Variants in PTPDC1 observed in about 807,000 individuals in gnomAD.
PTPDC1 encodes protein tyrosine phosphatase domain-containing protein 1.
PTPDC1 carries 53 observed loss-of-function variants against 75.3 expected under a neutral mutation model. The ratio of observed to expected loss-of-function variants is 0.70; its 90% CI spans 0.56 to 0.88. The LOEUF is 0.88. Ranked by LOEUF, PTPDC1 falls within the 40% of genes least tolerant of loss-of-function variation. The pLI is 0.00. For missense variants in PTPDC1, 925 were observed against 998.6 expected, an observed-to-expected ratio of 0.93 and a Z score of 0.99; for synonymous variants, 349 against 366.2, an observed-to-expected ratio of 0.95 and a Z score of 0.54.
intron 2 of PTPDC1, among the ~76,000 whole-genome samples, chr9:94,065,504 A>G (rs890075749): frequency 6.6e-6 from 1 of 152,196 alleles, no homozygotes; most frequent in African/African-American, 2.4e-5. Flanking sequence ...TTTCTCCCCT[A>G]AGTATGGATT....
chr9:94,095,242 T>TGGTTGTC, intron 4 of PTPDC1, 75 bp from the exon 5 acceptor site: 8 of 1,062,774 alleles, frequency 7.5e-6, no homozygotes, highest in South Asian at 1.7e-5. Context: ...TGTAGATCTG[T>TGGTTGTC]GTACTTTTCA....
chr9:94,064,350 T>A (rs1349543345), intron 1 of PTPDC1, among the ~76,000 whole-genome samples: 2 of 152,218 alleles, frequency 1.3e-5, no homozygotes, highest in African/African-American at 4.8e-5. Context: ...AAAAAGTGAC[T>A]TAATACTGGT....
Position 94,095,454 on chromosome 9 carries a change from G to C in PTPDC1, c.754G>C (p.Gly252Arg), listed in dbSNP as rs1295395917. The C allele has an allele frequency of 1.2e-6, 2 of 1,611,430 alleles. No individual in the cohort carries two copies. The highest frequency in any genetic ancestry group is 2.2e-5 in the East Asian group (1 of 44,836). Reference sequence around the variant, plus strand: ...TTGTCATGCAGGGCTTGGTCGAACAGGTAGGTCCTAAGAGGTGGTTTATTG... The same window carrying C: ...TTGTCATGCAGGGCTTGGTCGAACACGTAGGTCCTAAGAGGTGGTTTATTG... ...IHCHAGLGRTGVLIACYLVFA... is the reference protein window; with the variant it reads ...IHCHAGLGRTRVLIACYLVFA... The change falls in exon 5 of 9, where the codon GGT becomes CGT. Residue 252 changes from glycine to arginine, a missense_variant and splice_region_variant. Gly to Arg is a moderately radical substitution (Grantham distance 125, BLOSUM62 -2). Coordinates refer to ENST00000620992, the MANE Select transcript of PTPDC1 (RefSeq NM_001253829.2).
rs1223678700 is a variant in PTPDC1, at chr9:94,088,282, C to G, written c.616+19C>G. ...GCTGGCAGTAAGTTCCTCCCACCCT[C>G]CTCTCATGAATTATCAAGGGCAGCA... On this transcript the variant is annotated intron_variant, in intron 4 of 8. Transcript: ENST00000620992. The G allele has an allele frequency of 6.2e-7, 1 of 1,611,410 alleles. No homozygotes were observed. Among genetic ancestry groups the G allele is most frequent in the Non-Finnish European group, 8.5e-7 (1 of 1,179,240 alleles).
At chr9:94,065,740 A>T (rs1265797963) in intron 2 of PTPDC1, among the ~76,000 whole-genome samples, 1 of 152,170 alleles carries the variant, frequency 6.6e-6, no homozygotes, top group Non-Finnish European at 1.5e-5. Context: ...TTGGCCCTAG[A>T]GGCACTAATA....
At position 94,098,244 on chromosome 9, in the gene PTPDC1, C is replaced by T. The variant is rs1308132553; in HGVS notation, c.1678C>T (p.Pro560Ser). 1.9e-6 allele frequency: 3 copies of T among 1,614,186 alleles called. No homozygotes were observed. The highest frequency in any genetic ancestry group is 2.5e-6 in the Non-Finnish European group (3 of 1,180,024). ...ACACAGCCCTGGGGAGCCAGTTTCA[C>T]CCAGCTTTGCAAATGTCCATAAGGA... is the stretch of plus-strand genomic sequence containing the variant. ...GSHSPGEPVS[P>S]SFANVHKDPN... is the part of the protein sequence containing the mutation. Residue 560 changes from proline (P) to serine (S), a missense_variant, in exon 6 of 9, where the codon CCC becomes TCC. Transcript: ENST00000620992.
At chr9:94,101,505 A>T in intron 6 of PTPDC1, 61 bp from the exon 7 acceptor site, 1 of 1,317,402 alleles carries the variant, frequency 7.6e-7, no homozygotes, top group Non-Finnish European at 1.1e-6. Context: ...CAAATGGTGC[A>T]CCTCCCTCTC....
intron 2 of PTPDC1, among the ~76,000 whole-genome samples, chr9:94,074,135 A>T (rs985790732): frequency 6.6e-6 from 1 of 152,110 alleles, no homozygotes; most frequent in Non-Finnish European, 1.5e-5. Context: ...TATTCTGGAC[A>T]TTTTGGGTCC....
intron 8 of PTPDC1, among the ~76,000 whole-genome samples, chr9:94,105,295 T>G (rs1466717433): frequency 6.6e-6 from 1 of 152,200 alleles, no homozygotes; most frequent in Non-Finnish European, 1.5e-5. Context: ...CCAAACCGCG[T>G]GGTCCTTTAC....
chr9:94,052,700 C>T (rs1264608274), intron 1 of PTPDC1, among the ~76,000 whole-genome samples: 1 of 152,060 alleles, frequency 6.6e-6, no homozygotes, highest in African/African-American at 2.4e-5. Context: ...GAGATTGAGA[C>T]TCATGTTTTT....
intron 4 of PTPDC1, among the ~76,000 whole-genome samples, chr9:94,088,596 C>T (rs559682094): frequency 7.0e-4 from 107 of 152,226 alleles, no homozygotes; most frequent in African/African-American, 2.5e-3. Flanking sequence ...TGAAGCCACA[C>T]GGGGCTTAGA....
At chr9:94,039,514 G>A (rs1825368946) in intron 1 of PTPDC1, among the ~76,000 whole-genome samples, 2 of 152,044 alleles carry the variant, frequency 1.3e-5, no homozygotes, top group East Asian at 1.9e-4. Flanking sequence ...AATAAGGGTC[G>A]GGTGCTGTGG....
intron 2 of PTPDC1, among the ~76,000 whole-genome samples, chr9:94,068,199 G>GTA (rs939157727): frequency 2.8e-4 from 43 of 152,186 alleles, no homozygotes; most frequent in African/African-American, 1.0e-3. Flanking sequence ...CAAACTTACA[G>GTA]TAAAGGTACA....
intron 2 of PTPDC1, among the ~76,000 whole-genome samples, chr9:94,071,855 T>G (rs1826521594): frequency 6.6e-6 from 1 of 152,278 alleles, no homozygotes; most frequent in Non-Finnish European, 1.5e-5. Context: ...CTTTGTTGCA[T>G]CTTCTAATTT....
chr9:94,104,499 TCC>T, intron 8 of PTPDC1, 114 bp downstream of exon 8: 1 of 627,382 alleles, frequency 1.6e-6, no homozygotes, highest in Non-Finnish European at 2.8e-6. Flanking sequence ...GTGTATGTTT[TCC>T]CTTCATGGAA....
In PTPDC1 at chr9:94,060,052, G is replaced by A. The variant is rs188925216; in HGVS notation, c.-6-4682G>A. Among the ~76,000 whole-genome samples the A allele has an allele frequency of 1.6e-4, 24 of 152,208 alleles. 1 individual carries two copies. In the East Asian group the frequency reaches 4.6e-3, roughly 29 times the overall value. ...TTAATAACTATAGAGTATATATATA[G>A]AAAAGAGCATCCAAGCTGATGAGGA... On this transcript the variant is annotated intron_variant, in intron 1 of 9. Coordinates refer to the PTPDC1 transcript ENST00000375360.
intron 1 of PTPDC1, chr9:94,038,249 A>G (rs1410302832): frequency 3.3e-6 from 3 of 920,890 alleles, no homozygotes; most frequent in Non-Finnish European, 3.5e-6. Context: ...GAATCCCAAG[A>G]AGTACATCCC....
At chr9:94,069,287 A>G (rs1587867096) in intron 2 of PTPDC1, among the ~76,000 whole-genome samples, 1 of 151,888 alleles carries the variant, frequency 6.6e-6, no homozygotes, top group South Asian at 2.1e-4. Context: ...GGACCCTCCC[A>G]CCCCCGGTAT....
intron 1 of PTPDC1, among the ~76,000 whole-genome samples, chr9:94,061,626 C>A (rs1438836500): frequency 6.6e-6 from 1 of 152,242 alleles, no homozygotes; most frequent in African/African-American, 2.4e-5. Context: ...TGTGCACCTG[C>A]AGGCTTAACA....
Sources: gnomAD v4.1 joint callset for allele counts (sites outside exome capture counted in the v4.1 genomes callset) on GRCh38, gnomAD v4.1.1 for gene constraint, MANE v1.5 for transcripts, NCBI Gene and HGNC (gene_info 2026-07-23, HGNC 2026-07-21) for gene names.